B3GALT1: variants seen among roughly 807,000 people sequenced by gnomAD.
B3GALT1 encodes the protein UDP-Gal:betaGlcNAc beta 1,3-galactosyltransferase, polypeptide 1.
Under a neutral mutation model 23.2 loss-of-function variants are expected in B3GALT1, and 10 were observed. The ratio of observed to expected loss-of-function variants is 0.43; its 90% CI spans 0.27 to 0.73. The LOEUF is 0.73. Ranked by LOEUF, B3GALT1 falls within the 30% of genes least tolerant of loss-of-function variation. The pLI, the probability that B3GALT1 is intolerant of heterozygous loss-of-function variation, is 0.21. For synonymous variants in B3GALT1, 156 were observed against 141.5 expected (o/e 1.10, Z -0.73); for missense variants, 299 against 405.4 (o/e 0.74, Z 2.25).
intron 2 of B3GALT1, among the ~76,000 whole-genome samples, chr2:167,546,987 T>G (rs905252727): frequency 1.3e-5 from 2 of 152,218 alleles, no homozygotes; most frequent in African/African-American, 4.8e-5. Context: ...CATTGCATCC[T>G]GGATTCTGCT....
chr2:167,605,669 C>T (rs988362111), intron 2 of B3GALT1, among the ~76,000 whole-genome samples: 9 of 152,204 alleles, frequency 5.9e-5, no homozygotes, highest in Non-Finnish European at 1.2e-4. Flanking sequence ...TTGGTCAAGG[C>T]AAGTCTCAGG....
At chr2:167,499,408 G>T (rs1699820827) in intron 2 of B3GALT1, among the ~76,000 whole-genome samples, 1 of 152,086 alleles carries the variant, frequency 6.6e-6, no homozygotes, top group African/African-American at 2.4e-5. Flanking sequence ...ATGTCAGTCA[G>T]AGTAGTAAGG....
chr2:167,790,788 C>G (rs1239349354), intron 3 of B3GALT1, among the ~76,000 whole-genome samples: 2 of 152,102 alleles, frequency 1.3e-5, no homozygotes, highest in African/African-American at 4.8e-5. Flanking sequence ...TCTAATTTGC[C>G]ATTTATTGTT....
At chr2:167,806,261 A>C (rs1371507064) in intron 3 of B3GALT1, among the ~76,000 whole-genome samples, 1 of 152,230 alleles carries the variant, frequency 6.6e-6, no homozygotes, top group Admixed American at 6.5e-5. Flanking sequence ...ACATACAATC[A>C]TGTCATCTGC....
chr2:167,459,233 A>G (rs1023355687), intron 1 of B3GALT1, among the ~76,000 whole-genome samples: 34 of 152,028 alleles, frequency 2.2e-4, no homozygotes, highest in African/African-American at 8.2e-4. Flanking sequence ...GATTTTTTGT[A>G]GTGAAGTGTT....
intron 3 of B3GALT1, among the ~76,000 whole-genome samples, chr2:167,686,806 G>A (rs1378323711): frequency 6.6e-6 from 1 of 152,016 alleles, no homozygotes; most frequent in Non-Finnish European, 1.5e-5. Context: ...CTAAACTTGT[G>A]GGTACTGACT....
intron 3 of B3GALT1, among the ~76,000 whole-genome samples, chr2:167,758,917 G>A (rs1490004475): frequency 2.0e-5 from 3 of 152,070 alleles, no homozygotes; most frequent in Non-Finnish European, 4.4e-5. Flanking sequence ...TACTCTGTAT[G>A]GAAAGAAGCT....
chr2:167,691,640 G>T (rs187629515), intron 3 of B3GALT1, among the ~76,000 whole-genome samples: 6 of 152,252 alleles, frequency 3.9e-5, no homozygotes, highest in African/African-American at 1.2e-4. Flanking sequence ...CTTGCATTTT[G>T]TTGGTGCGTA....
intron 4 of B3GALT1, among the ~76,000 whole-genome samples, chr2:167,845,946 G>C (rs975162132): frequency 6.6e-6 from 1 of 152,060 alleles, no homozygotes; most frequent in Non-Finnish European, 1.5e-5. Context: ...TACAATTATA[G>C]AATGCAAAAT....
rs1295318741 is a variant in B3GALT1 at position 167,870,051 on chromosome 2, CTTTT to C, written c.*35_*38del. The C allele has an allele frequency of 6.5e-7, 1 of 1,540,038 alleles. No homozygotes were observed. The highest frequency in any genetic ancestry group is 1.4e-5 in the African/African-American group (1 of 72,634). On this transcript the variant is annotated 3_prime_UTR_variant, in exon 5 of 5. Transcript: ENST00000392690. The stretch of plus-strand genomic sequence containing the variant: ...TTACCAATGTAAATATGTTTCTTTT[CTTTT>C]TTTAAGAAATGGGACCTAAGGTGTT...
intron 3 of B3GALT1, among the ~76,000 whole-genome samples, chr2:167,736,410 A>T (rs1433708451): frequency 1.3e-5 from 2 of 152,116 alleles, no homozygotes; most frequent in Non-Finnish European, 2.9e-5. Context: ...AACATGTAGG[A>T]CTCCTTCAGA....
intron 3 of B3GALT1, among the ~76,000 whole-genome samples, chr2:167,731,707 A>G (rs2105266190): frequency 6.8e-6 from 1 of 146,058 alleles, no homozygotes; most frequent in African/African-American, 2.4e-5. Flanking sequence ...TCCCATTTAC[A>G]TGGCATAATT....
At chr2:167,798,984 G>A (rs924940440) in intron 3 of B3GALT1, among the ~76,000 whole-genome samples, 4 of 152,064 alleles carry the variant, frequency 2.6e-5, no homozygotes, top group African/African-American at 7.2e-5. Flanking sequence ...CCCATAGTAG[G>A]GCTTCAATAA....
intron 3 of B3GALT1, among the ~76,000 whole-genome samples, chr2:167,665,107 G>A (rs1167138813): frequency 2.0e-5 from 3 of 151,936 alleles, no homozygotes; most frequent in Non-Finnish European, 2.9e-5. Context: ...GTTTGTCATA[G>A]TTAGCTCTTA....
rs114507715 is a variant in B3GALT1 at position 167,819,562 on chromosome 2, C to T, written c.-230+769C>T. ...CTGGCAAGAGGTCACCTGGATGACA[C>T]TCCTATCTTTCCCATCATAGCCTCT... is the stretch of plus-strand genomic sequence containing the variant. On this transcript the variant is annotated intron_variant, in intron 4 of 4. Coordinates refer to ENST00000392690, the MANE Select transcript of B3GALT1 (RefSeq NM_020981.4). Among the ~76,000 whole-genome samples, 434 of 152,334 alleles carry T rather than the reference C, an allele frequency of 2.8e-3. 2 individuals carry two copies. Among genetic ancestry groups the T allele is most frequent in the African/African-American group, 0.01 (417 of 41,582 alleles).
chr2:167,693,491 C>A (rs935206614), intron 3 of B3GALT1, among the ~76,000 whole-genome samples: 1 of 152,056 alleles, frequency 6.6e-6, no homozygotes, highest in African/African-American at 2.4e-5. Flanking sequence ...ATGAGAGTGG[C>A]AAACACTGTC....
chr2:167,340,345 T>C (rs1229602566), intron 1 of B3GALT1, among the ~76,000 whole-genome samples: 2 of 150,364 alleles, frequency 1.3e-5, no homozygotes, highest in East Asian at 3.9e-4. Flanking sequence ...ACAGAGCTTT[T>C]GGCAATGGAA....
chr2:167,318,943 TGAG>T (rs1290865564), intron 1 of B3GALT1, among the ~76,000 whole-genome samples: 3 of 152,274 alleles, frequency 2.0e-5, no homozygotes, highest in South Asian at 4.1e-4. Flanking sequence ...GCCCATTCCC[TGAG>T]GAGAACACCT....
chr2:167,804,931 A>C (rs1261549068), intron 3 of B3GALT1, among the ~76,000 whole-genome samples: 12 of 152,172 alleles, frequency 7.9e-5, no homozygotes, highest in East Asian at 3.9e-4. Flanking sequence ...GAACTAGTTT[A>C]CAGTCCCACC....
Sources: gnomAD v4.1 joint callset for allele counts (sites outside exome capture counted in the v4.1 genomes callset) on GRCh38, gnomAD v4.1.1 for gene constraint, MANE v1.5 for transcripts, NCBI Gene and HGNC (gene_info 2026-07-23, HGNC 2026-07-21) for gene names.